The following DET1 variants were observed in gnomAD, a reference collection of about 807,000 sequenced individuals.
The protein encoded by DET1 is DET1 partner of COP1 E3 ubiquitin ligase, also known as DET1 homolog.
Under a neutral mutation model 43.7 loss-of-function variants are expected in DET1, and 22 were observed. The observed-to-expected ratio is 0.50, with a 90% CI of 0.36 to 0.72. The LOEUF (loss-of-function observed/expected upper bound fraction) is 0.72. DET1 is among the 30% of genes least tolerant of loss of function. The pLI is 0.00. For missense variants in DET1, 713 were observed against 713.3 expected, an observed-to-expected ratio of 1.00 and a Z score of 0.00; for synonymous variants, 315 against 266.2, an observed-to-expected ratio of 1.18 and a Z score of -1.79.
At chr15:88,533,664 CA>C (rs2056874453) in intron 1 of DET1, among the ~76,000 whole-genome samples, 1 of 151,742 alleles carries the variant, frequency 6.6e-6, no homozygotes, top group Admixed American at 6.6e-5. Flanking sequence ...TATGTGAAGT[CA>C]AATAAGCCAA....
chr15:88,538,312 C>T (rs531530946), intron 1 of DET1, among the ~76,000 whole-genome samples: 65 of 151,070 alleles, frequency 4.3e-4, no homozygotes, highest in African/African-American at 1.5e-3. Context: ...CTGTGGCAAG[C>T]TATATCCACA....
chr15:88,533,295 T>C (rs887582505), intron 1 of DET1, among the ~76,000 whole-genome samples: 2 of 152,184 alleles, frequency 1.3e-5, no homozygotes, highest in South Asian at 2.1e-4. Flanking sequence ...ACAAGTTTCA[T>C]TGAGGACATA....
At chr15:88,523,477 C>A (rs139464686) in intron 3 of DET1, among the ~76,000 whole-genome samples, 1 of 152,258 alleles carries the variant, frequency 6.6e-6, no homozygotes, top group East Asian at 1.9e-4. Context: ...ACACAGTCTC[C>A]CTCTGATGCC....
chr15:88,532,610 C>T (rs1047342641), intron 1 of DET1, among the ~76,000 whole-genome samples: 2 of 152,106 alleles, frequency 1.3e-5, no homozygotes, highest in African/African-American at 4.8e-5. Flanking sequence ...CAGACACAGA[C>T]CAATGAAATG....
chr15:88,527,892 A>G, intron 2 of DET1, 106 bp from the exon 3 acceptor site: 2 of 644,100 alleles, frequency 3.1e-6, no homozygotes, highest in Non-Finnish European at 4.4e-6. Flanking sequence ...GAATTTTCCA[A>G]AAACAACAAC....
chr15:88,522,021 T>C (rs1309511085), intron 3 of DET1, among the ~76,000 whole-genome samples: 1 of 152,114 alleles, frequency 6.6e-6, no homozygotes, highest in Non-Finnish European at 1.5e-5. Context: ...CAATGTGACA[T>C]TACTCAATGT....
intron 3 of DET1, among the ~76,000 whole-genome samples, chr15:88,517,866 T>C (rs1305628743): frequency 1.3e-5 from 2 of 152,220 alleles, no homozygotes; most frequent in Non-Finnish European, 2.9e-5. Context: ...CATAGAGTCA[T>C]ATATCTGACT....
intron 8 of DET1, chr15:88,502,432 G>A (rs1464776946): frequency 6.6e-6 from 1 of 151,858 alleles, no homozygotes; most frequent in Non-Finnish European, 1.5e-5. Context: ...GGAAGTTAAT[G>A]ACTACACTTA....
chr15:88,530,559 C>G, intron 2 of DET1, 64 bp downstream of exon 2: 4 of 1,524,738 alleles, frequency 2.6e-6, no homozygotes, highest in Non-Finnish European at 3.5e-6. Flanking sequence ...TATAAACAAA[C>G]AGAGAAACCT....
Position 88,527,824 on chromosome 15 carries a change from G to A in DET1, c.1084-38C>T, listed in dbSNP as rs539205796. On this transcript the variant is annotated intron_variant, in intron 2 of 4. Transcript: ENST00000268148. ...AGAGAGAGAGGTATGGGACAGCTGA[G>A]TATAATGCCATGCGTAGGAAACTTA... 1.6e-5 allele frequency: 23 copies of A among 1,437,464 alleles called. No homozygotes were observed. In the African/African-American group the frequency reaches 2.9e-4, roughly 18 times the overall value. The allele number at this position is 1,437,464 out of a possible 1,614,324, so 89.0% of individuals were successfully genotyped here.
intron 3 of DET1, among the ~76,000 whole-genome samples, chr15:88,522,512 G>GTTTTTTTTTTTTGTT (rs2056520877): frequency 2.5e-5 from 2 of 80,258 alleles, no homozygotes; most frequent in African/African-American, 5.2e-5. Flanking sequence ...AATGTTCCTG[G>GTTTTTTTTTTTTGTT]TTTTTTTTTT....
downstream of DET1, among the ~76,000 whole-genome samples, chr15:88,508,057 G>A (rs187187473): frequency 4.3e-3 from 653 of 152,288 alleles, 4 homozygotes; most frequent in Non-Finnish European, 5.0e-3. Flanking sequence ...TAGGTTGTGC[G>A]CTCCTTATGA....
Position 88,530,861 on chromosome 15 carries a change from C to G in DET1, c.845G>C (p.Gly282Ala). Residue 282 changes from glycine (G) to alanine (A), a missense_variant, in exon 2 of 5, where the codon GGC becomes GCC. By Grantham distance (60) the Gly-to-Ala change is moderately conservative. Coordinates refer to ENST00000268148, the MANE Select transcript of DET1 (RefSeq NM_001144074.3). ...AGGATCCCTAAAGGGATTGGCCATG[C>G]CTGTCTGACTGTCCCGCTGTACCTC... ...FPEVQRDSQT[G>A]MANPFRDPFI... The G allele has an allele frequency of 6.2e-7, 1 of 1,613,998 alleles. No individual in the cohort carries two copies. Among genetic ancestry groups the G allele is most frequent in the Non-Finnish European group, 8.5e-7 (1 of 1,179,882 alleles).
chr15:88,534,126 T>TA (rs1243943943), intron 1 of DET1, among the ~76,000 whole-genome samples: 1 of 152,142 alleles, frequency 6.6e-6, no homozygotes, highest in East Asian at 1.9e-4. Context: ...AAAATCACAA[T>TA]AAAAATATGT....
chr15:88,538,636 AC>A (rs2057013861), intron 1 of DET1, among the ~76,000 whole-genome samples: 1 of 152,172 alleles, frequency 6.6e-6, no homozygotes, highest in South Asian at 2.1e-4. Flanking sequence ...CACCCCGGGT[AC>A]AACATAATGG....
At chr15:88,526,704 T>C (rs2056673094) in intron 3 of DET1, among the ~76,000 whole-genome samples, 1 of 152,248 alleles carries the variant, frequency 6.6e-6, no homozygotes, top group Non-Finnish European at 1.5e-5. Context: ...TAGCATAACA[T>C]GTCTCATCCC....
chr15:88,528,534 C>T (rs922006542), intron 2 of DET1, among the ~76,000 whole-genome samples: 1 of 152,216 alleles, frequency 6.6e-6, no homozygotes, highest in African/African-American at 2.4e-5. Flanking sequence ...ACCTGAAAAG[C>T]ATTCAAATGC....
intron 4 of DET1, among the ~76,000 whole-genome samples, chr15:88,513,738 T>C (rs2056261960): frequency 6.6e-6 from 1 of 150,868 alleles, no homozygotes; most frequent in African/African-American, 2.4e-5. Flanking sequence ...GTCTACCATA[T>C]TGGACAGTGT....
chr15:88,515,524 C>G (rs1403830202), intron 4 of DET1, among the ~76,000 whole-genome samples: 1 of 99,614 alleles, frequency 1.0e-5, no homozygotes. Flanking sequence ...GGGCAACAGA[C>G]AGAGACTCCG....
Sources: allele counts gnomAD v4.1 joint callset (sites outside exome capture counted in the v4.1 genomes callset), GRCh38; gene constraint gnomAD v4.1.1; transcripts MANE v1.5; gene names NCBI Gene and HGNC (gene_info 2026-07-23, HGNC 2026-07-21).